SMCHD1: variants seen among roughly 807,000 people sequenced by gnomAD.
SMCHD1 encodes structural maintenance of chromosomes flexible hinge domain-containing protein 1.
Under a neutral mutation model 254.7 loss-of-function variants are expected in SMCHD1, and 78 were observed. The ratio of observed to expected loss-of-function variants is 0.31; its 90% confidence interval spans 0.26 to 0.37. SMCHD1 has a LOEUF of 0.37. SMCHD1 is among the 10% of genes least tolerant of loss of function. SMCHD1 has a pLI of 1.00. For synonymous variants in SMCHD1, 766 were observed against 794.9 expected (o/e 0.96, Z 0.61); for missense variants, 1,840 against 2,408.1 (o/e 0.76, Z 4.94).
intron 47 of SMCHD1, among the ~76,000 whole-genome samples, chr18:2,799,940 G>GA (rs1276654223): frequency 1.3e-5 from 2 of 151,848 alleles, no homozygotes; most frequent in Non-Finnish European, 2.9e-5. Flanking sequence ...AAATTCCTTA[G>GA]AAAAAATGTG....
At chr18:2,686,022 A>G (rs924786202) in intron 5 of SMCHD1, among the ~76,000 whole-genome samples, 10 of 152,134 alleles carry the variant, frequency 6.6e-5, no homozygotes, top group African/African-American at 2.4e-4. Flanking sequence ...AAATCTGTCC[A>G]GTATTGTTTT....
intron 3 of SMCHD1, 145 bp from the exon 4 acceptor site, chr18:2,673,136 T>C: frequency 1.5e-6 from 2 of 1,300,328 alleles, no homozygotes; most frequent in Non-Finnish European, 2.0e-6. Context: ...GATGCCTTTA[T>C]TATGTATTAT....
intron 5 of SMCHD1, among the ~76,000 whole-genome samples, chr18:2,685,257 G>T (rs891756323): frequency 6.6e-6 from 1 of 151,592 alleles, no homozygotes; most frequent in South Asian, 2.1e-4. Context: ...CCGCCACCAC[G>T]CCCGGCTAAT....
At chr18:2,781,747 T>G (rs551243617) in intron 44 of SMCHD1, among the ~76,000 whole-genome samples, 3 of 152,132 alleles carry the variant, frequency 2.0e-5, no homozygotes, top group Non-Finnish European at 4.4e-5. Context: ...CTGAACAGGT[T>G]TAACATCTTA....
rs1598293848 is a variant in SMCHD1 at position 2,673,342 on chromosome 18, TAGA to T, written c.491_493del (p.Arg164del). ...CTGCTACTTCTCGTAACATTGGGGT[TAGA>T]AGAATACAGATCAAATTGGTAAGGA... is the stretch of plus-strand genomic sequence containing the variant. On this transcript the variant is annotated inframe_deletion, in exon 4 of 48. Transcript: ENST00000320876. 6.3e-7 allele frequency: 1 copy of T among 1,576,564 alleles called. No homozygotes were observed. The highest frequency in any genetic ancestry group is 8.7e-7 in the Non-Finnish European group (1 of 1,154,150).
chr18:2,712,771 T>C (rs1196146456), intron 17 of SMCHD1, among the ~76,000 whole-genome samples: 1 of 152,210 alleles, frequency 6.6e-6, no homozygotes, highest in Non-Finnish European at 1.5e-5. Context: ...TTTTCCTCAT[T>C]TTACGCCAAA....
intron 45 of SMCHD1, among the ~76,000 whole-genome samples, chr18:2,789,639 T>C (rs1360354431): frequency 6.6e-6 from 1 of 152,198 alleles, no homozygotes; most frequent in Non-Finnish European, 1.5e-5. Context: ...CAACTTATAA[T>C]GGGGCTGTGT....
chr18:2,664,690 C>G (rs1228286659), intron 1 of SMCHD1, among the ~76,000 whole-genome samples: 2 of 152,074 alleles, frequency 1.3e-5, no homozygotes, highest in South Asian at 2.1e-4. Flanking sequence ...GGTGTTTCAC[C>G]CACTCATAGC....
At chr18:2,762,026 C>T in intron 35 of SMCHD1, 79 bp from the exon 36 acceptor site, 2 of 1,114,640 alleles carry the variant, frequency 1.8e-6, no homozygotes, top group African/African-American at 1.6e-5. Context: ...TAGTATGTGC[C>T]ATTGTTATGT....
At chr18:2,767,465 A>G (rs1337176678) in intron 37 of SMCHD1, among the ~76,000 whole-genome samples, 2 of 152,006 alleles carry the variant, frequency 1.3e-5, no homozygotes, top group East Asian at 1.9e-4. Flanking sequence ...AATGACGGGC[A>G]TATGTTCTAA....
chr18:2,773,912 G>A (rs1025027208), intron 41 of SMCHD1, among the ~76,000 whole-genome samples: 3 of 152,072 alleles, frequency 2.0e-5, no homozygotes, highest in Non-Finnish European at 4.4e-5. Flanking sequence ...GACAGAGCGA[G>A]ACTCTGTCTC....
At chr18:2,657,263 C>CT (rs1474772916) in intron 1 of SMCHD1, among the ~76,000 whole-genome samples, 1 of 152,164 alleles carries the variant, frequency 6.6e-6, no homozygotes, top group African/African-American at 2.4e-5. Context: ...GAAGTAAGGA[C>CT]TTTCTTTTGT....
chr18:2,678,464 A>G (rs1259094280), intron 5 of SMCHD1, among the ~76,000 whole-genome samples: 3 of 151,732 alleles, frequency 2.0e-5, no homozygotes, highest in Admixed American at 6.6e-5. Flanking sequence ...TTACAGGCAC[A>G]TGCCACTACT....
chr18:2,778,540 T>G (rs2076103898), intron 44 of SMCHD1, among the ~76,000 whole-genome samples: 1 of 152,182 alleles, frequency 6.6e-6, no homozygotes, highest in Non-Finnish European at 1.5e-5. Flanking sequence ...GTATTGGTTT[T>G]CTAGGGCAGC....
At chr18:2,694,890 C>T (rs891665673) in intron 8 of SMCHD1, among the ~76,000 whole-genome samples, 197 bp downstream of exon 8, 1 of 152,112 alleles carries the variant, frequency 6.6e-6, no homozygotes, top group African/African-American at 2.4e-5. Context: ...TATAGATCAC[C>T]TCTAGTGTAC....
At chr18:2,760,165 T>C (rs1044324227) in intron 34 of SMCHD1, among the ~76,000 whole-genome samples, 9 of 152,344 alleles carry the variant, frequency 5.9e-5, no homozygotes, top group African/African-American at 2.2e-4. Context: ...GTGTACCTCT[T>C]CTTAGGCACT....
At chr18:2,686,876 A>G (rs1306601644) in intron 5 of SMCHD1, among the ~76,000 whole-genome samples, 2 of 152,096 alleles carry the variant, frequency 1.3e-5, no homozygotes, top group Non-Finnish European at 2.9e-5. Flanking sequence ...TTTTTATACC[A>G]ATTAAAATGT....
intron 45 of SMCHD1, chr18:2,784,864 C>T (rs2076213314): frequency 1.9e-6 from 1 of 517,300 alleles, no homozygotes. Context: ...GTGTTCCCAG[C>T]TACTCAGGAG....
Position 2,707,847 on chromosome 18 carries a change from A to G in SMCHD1, c.2187A>G (p.Ala729=), listed in dbSNP as rs2074555457. 6.2e-7 allele frequency: 1 copy of G among 1,609,076 alleles called. No individual in the cohort carries two copies. Among genetic ancestry groups the G allele is most frequent in the Admixed American group, 1.7e-5 (1 of 59,290 alleles). Residue 729 remains alanine (A), a synonymous_variant, in exon 17 of 48, where the codon GCA becomes GCG. Transcript: ENST00000320876. ...RIEILNKKGE[A]MQKLPGTSHG... ...AAATACTGAATAAAAAAGGGGAAGC[A>G]ATGCAAAAGCTTCCAGGAACAAGCC...
Sources: allele counts gnomAD v4.1 joint callset (sites outside exome capture counted in the v4.1 genomes callset), GRCh38; gene constraint gnomAD v4.1.1; transcripts MANE v1.5; gene names NCBI Gene and HGNC (gene_info 2026-07-23, HGNC 2026-07-21).